The following NIBAN1 variants were observed in gnomAD, a reference collection of about 807,000 sequenced individuals.
NIBAN1 encodes the protein niban apoptosis regulator 1, also known as protein Niban 1.
Under a neutral mutation model 75.1 loss-of-function variants are expected in NIBAN1, and 81 were observed. The ratio of observed to expected loss-of-function variants is 1.08; its 90% CI spans 0.90 to 1.30. NIBAN1 has a LOEUF of 1.30. Ranked by LOEUF, NIBAN1 falls within the 50% of genes most tolerant of loss-of-function variation. NIBAN1 has a pLI of 0.00. For synonymous variants in NIBAN1, 436 were observed against 424.8 expected, an observed-to-expected ratio of 1.03 and a Z score of -0.32; for missense variants, 1,133 against 1,128.1, an observed-to-expected ratio of 1.00 and a Z score of -0.06.
At position 184,818,651 on chromosome 1, in the gene NIBAN1, A is replaced by AC. The variant is rs753056728; in HGVS notation, c.1159dup (p.Val387GlyfsTer26). On this transcript the variant is annotated frameshift_variant, in exon 9 of 14. Transcript: ENST00000367511. LOFTEE classifies it high-confidence loss of function. ...TTTGTATCCTACCTCCTTTAGCTGG[A>AC]CACTGTCTTTGGTGGTCTGGAAGTT... 67 of 1,604,892 alleles carry AC rather than the reference A, an allele frequency of 4.2e-5. No homozygotes were observed. The highest frequency in any genetic ancestry group is 5.3e-5 in the African/African-American group (4 of 74,838).
chr1:184,801,937 C>A (rs933750989), intron 12 of NIBAN1, among the ~76,000 whole-genome samples: 6 of 152,228 alleles, frequency 3.9e-5, no homozygotes, highest in African/African-American at 1.4e-4. Context: ...GGTTTACTTC[C>A]CTGGGCCAAT....
intron 10 of NIBAN1, among the ~76,000 whole-genome samples, chr1:184,807,819 A>G (rs1654248557): frequency 6.6e-6 from 1 of 152,186 alleles, no homozygotes; most frequent in Non-Finnish European, 1.5e-5. Flanking sequence ...AGGTTACAGC[A>G]CTGATTTGAC....
At chr1:184,808,303 T>A in intron 9 of NIBAN1, 68 bp from the exon 10 acceptor site, 1 of 1,464,742 alleles carries the variant, frequency 6.8e-7, no homozygotes, top group East Asian at 2.3e-5. Flanking sequence ...ATATATTGCA[T>A]ATTACATACA....
chr1:184,897,813 C>T (rs1254286109), intron 2 of NIBAN1, among the ~76,000 whole-genome samples: 1 of 152,178 alleles, frequency 6.6e-6, no homozygotes. Context: ...TTATCTCACA[C>T]CCAACCCAAC....
chr1:184,873,594 G>T (rs1656164137), intron 5 of NIBAN1, among the ~76,000 whole-genome samples: 1 of 152,114 alleles, frequency 6.6e-6, no homozygotes, highest in African/African-American at 2.4e-5. Context: ...TCTTCCACTA[G>T]ATTGCCCAGA....
At chr1:184,917,142 C>T (rs1657405092) in intron 1 of NIBAN1, among the ~76,000 whole-genome samples, 1 of 152,098 alleles carries the variant, frequency 6.6e-6, no homozygotes, top group East Asian at 1.9e-4. Flanking sequence ...GAGCCCCAGC[C>T]TGGGCTGGAC....
In NIBAN1 at chr1:184,894,085, T is replaced by C; in HGVS notation, c.308A>G (p.Glu103Gly). 6.2e-7 allele frequency: 1 copy of C among 1,604,758 alleles called. No homozygotes were observed. Among genetic ancestry groups the C allele is most frequent in the Non-Finnish European group, 8.5e-7 (1 of 1,176,904 alleles). Residue 103 changes from glutamate to glycine, a missense_variant, in exon 3 of 14, where the codon GAG becomes GGG. Transcript: ENST00000367511. ...VKNDYAVESY[E>G]NKEAYQRGAA... ...AAAGAAGTGTCTTACCTCTTTATTC[T>C]CATAGCTCTCCACAGCATAATCATT...
intron 5 of NIBAN1, among the ~76,000 whole-genome samples, chr1:184,872,685 C>T (rs1029357777): frequency 1.4e-5 from 2 of 147,270 alleles, no homozygotes; most frequent in Non-Finnish European, 3.0e-5. Flanking sequence ...CCAGCTTGGG[C>T]AACAAGAGGG....
At chr1:184,859,758 G>A (rs917951817) in intron 5 of NIBAN1, among the ~76,000 whole-genome samples, 1 of 152,082 alleles carries the variant, frequency 6.6e-6, no homozygotes, top group African/African-American at 2.4e-5. Context: ...GCTCTGCCAT[G>A]CTCACCAGAT....
At chr1:184,805,770 G>C in intron 11 of NIBAN1, 176 bp downstream of exon 11, 1 of 600,298 alleles carries the variant, frequency 1.7e-6, no homozygotes, top group South Asian at 2.0e-5. Context: ...GATGGCAGAA[G>C]AGGCATGGAA....
chr1:184,938,030 T>C (rs1431515666), intron 1 of NIBAN1, among the ~76,000 whole-genome samples: 1 of 151,680 alleles, frequency 6.6e-6, no homozygotes, highest in East Asian at 1.9e-4. Context: ...AAGGATGAGG[T>C]GATTGGAAAG....
At chr1:184,895,998 T>A (rs115276619) in intron 2 of NIBAN1, among the ~76,000 whole-genome samples, 1,668 of 152,312 alleles carry the variant, frequency 0.011, 16 homozygotes, top group Non-Finnish European at 0.017. Context: ...GGCTTTGCTA[T>A]TAAAAATAGT....
chr1:184,810,096 CA>C (rs1184864202), intron 9 of NIBAN1, among the ~76,000 whole-genome samples: 1 of 151,936 alleles, frequency 6.6e-6, no homozygotes, highest in Non-Finnish European at 1.5e-5. Flanking sequence ...TAAGAAACCC[CA>C]AAACATTTCT....
At chr1:184,897,075 T>C (rs924486915) in intron 2 of NIBAN1, among the ~76,000 whole-genome samples, 3 of 152,172 alleles carry the variant, frequency 2.0e-5, no homozygotes, top group Admixed American at 2.0e-4. Context: ...TAATTTTGTG[T>C]AAGATGACAT....
At position 184,793,124 on chromosome 1, in the gene NIBAN1, G is replaced by A. The variant is rs1443456428; in HGVS notation, c.*1853C>T. ...TTTATGACCTAGAAATTCTTCATGGGAGGGCTGAAAAGGGTGATATTTTAA... is the reference window on the plus strand; with the variant it reads ...TTTATGACCTAGAAATTCTTCATGGAAGGGCTGAAAAGGGTGATATTTTAA... On this transcript the variant is annotated 3_prime_UTR_variant, in exon 14 of 14. Transcript: ENST00000367511. The A allele has an allele frequency of 6.6e-6, 1 of 152,112 alleles. No individual in the cohort carries two copies. The highest frequency in any genetic ancestry group is 1.5e-5 in the Non-Finnish European group (1 of 68,012). 9.4% of individuals were successfully genotyped at this position (152,112 alleles called of 1,614,324 possible). A position where few individuals can be genotyped will look rare whatever the true frequency, so the allele number is the denominator to read the frequency against.
At chr1:184,934,883 AC>A (rs1657914941) in intron 1 of NIBAN1, among the ~76,000 whole-genome samples, 1 of 151,892 alleles carries the variant, frequency 6.6e-6, no homozygotes, top group Admixed American at 6.6e-5. Context: ...AGACAGAGAG[AC>A]TCCATCTCAA....
chr1:184,808,232 G>C lies in NIBAN1; in HGVS notation c.1177C>G (p.Leu393Val). The C allele has an allele frequency of 6.2e-7, 1 of 1,613,572 alleles. No homozygotes were observed. The highest frequency in any genetic ancestry group is 1.1e-5 in the South Asian group (1 of 91,042). ...TKDSVQLKEH[L>V]DRLMNLPLHS... ...AGCGGAAGATTCATAAGCCGGTCTAGATGCTGCATTTTGGTGAAGGGAAAC... is the reference window on the plus strand; with the variant it reads ...AGCGGAAGATTCATAAGCCGGTCTACATGCTGCATTTTGGTGAAGGGAAAC... Residue 393 changes from leucine (L) to valine (V), a missense_variant, in exon 10 of 14, where the codon CTA becomes GTA. Transcript: ENST00000367511.
At position 184,898,526 on chromosome 1, in the gene NIBAN1, G is replaced by C. The variant is rs144548355; in HGVS notation, c.186+653C>G. Among the ~76,000 whole-genome samples, 72 of 152,266 alleles carry C rather than the reference G, an allele frequency of 4.7e-4. No homozygotes were observed. In the East Asian group the frequency reaches 0.014, roughly 29 times the overall value. ...AGCCACTCAGGAGGCTGAGGCAGGAGAATCACTTGAACCCAGGAAGCAGAG... is the reference window on the plus strand; with the variant it reads ...AGCCACTCAGGAGGCTGAGGCAGGACAATCACTTGAACCCAGGAAGCAGAG... On this transcript the variant is annotated intron_variant, in intron 2 of 13. Coordinates refer to ENST00000367511, the MANE Select transcript of NIBAN1 (RefSeq NM_052966.4).
intron 8 of NIBAN1, among the ~76,000 whole-genome samples, chr1:184,819,665 G>A (rs933339319): frequency 2.6e-5 from 4 of 152,156 alleles, no homozygotes; most frequent in African/African-American, 4.8e-5. Flanking sequence ...AGCTTGCTCC[G>A]TGGACTAGAA....
Sources: allele counts gnomAD v4.1 joint callset (sites outside exome capture counted in the v4.1 genomes callset), GRCh38; gene constraint gnomAD v4.1.1; transcripts MANE v1.5; gene names NCBI Gene and HGNC (gene_info 2026-07-23, HGNC 2026-07-21).